The following EYA2 variants were observed in gnomAD, a reference collection of about 807,000 sequenced individuals.
EYA2 encodes EYA transcriptional coactivator and phosphatase 2.
EYA2 carries 31 observed loss-of-function variants against 69.2 expected under a neutral mutation model. The ratio of observed to expected loss-of-function variants is 0.45; its 90% confidence interval spans 0.34 to 0.60. EYA2 has a LOEUF of 0.60. Among genes scored for constraint, EYA2 ranks in the 20% least tolerant of loss-of-function variants. EYA2 has a pLI of 0.02. For synonymous variants in EYA2, 257 were observed against 279.4 expected, an observed-to-expected ratio of 0.92 and a Z score of 0.80; for missense variants, 622 against 701.2, an observed-to-expected ratio of 0.89 and a Z score of 1.28.
At chr20:47,082,750 C>T (rs918123627) in intron 7 of EYA2, among the ~76,000 whole-genome samples, 1 of 151,962 alleles carries the variant, frequency 6.6e-6, no homozygotes, top group African/African-American at 2.4e-5. Flanking sequence ...ATGCAGAGGA[C>T]CAAGAAGGGC....
rs538058416 is a variant in EYA2 at position 46,983,549 on chromosome 20, G to C, written c.-10-6452G>C. 5.3e-5 allele frequency among the ~76,000 whole-genome samples: 8 copies of C among 152,306 alleles called. No individual in the cohort carries two copies. The East Asian group carries it at 1.5e-3, about 29-fold the overall frequency. ...CCTGTAATTAGGCAACTGCAAAAAA[G>C]CTCTGCTTAATTTCTTGCCTTTATA... On this transcript the variant is annotated intron_variant, in intron 1 of 15. Coordinates refer to ENST00000327619, the MANE Select transcript of EYA2 (RefSeq NM_005244.5).
At position 46,916,058 on chromosome 20, in the gene EYA2, T is replaced by G. The variant is rs79579066; in HGVS notation, c.-11+21071T>G. 3.1e-3 allele frequency among the ~76,000 whole-genome samples: 473 copies of G among 152,302 alleles called. 3 individuals carry two copies. The highest frequency in any genetic ancestry group is 0.011 in the African/African-American group (441 of 41,564). Reference sequence around the variant, plus strand: ...ATTGCTTTGTGGCAGAGCAAAAAATTTCTATGAATTTCATATGCAAAGAGA... The same window carrying G: ...ATTGCTTTGTGGCAGAGCAAAAAATGTCTATGAATTTCATATGCAAAGAGA... On this transcript the variant is annotated intron_variant, in intron 1 of 15. Coordinates refer to ENST00000327619, the MANE Select transcript of EYA2 (RefSeq NM_005244.5).
At chr20:46,966,826 C>T (rs77002377) in intron 1 of EYA2, among the ~76,000 whole-genome samples, 11 of 150,068 alleles carry the variant, frequency 7.3e-5, no homozygotes, top group African/African-American at 1.5e-4. Flanking sequence ...AAAAAAAAAA[C>T]TGTGAAACAG....
chr20:47,163,496 C>G (rs2034114160), intron 10 of EYA2, among the ~76,000 whole-genome samples: 1 of 151,924 alleles, frequency 6.6e-6, no homozygotes, highest in Admixed American at 6.6e-5. Flanking sequence ...GTCGGGAGTT[C>G]AAGACCGGCC....
At chr20:47,002,264 C>A (rs1024787151) in intron 3 of EYA2, among the ~76,000 whole-genome samples, 2 of 151,964 alleles carry the variant, frequency 1.3e-5, no homozygotes, top group Non-Finnish European at 2.9e-5. Context: ...CATAGGTAAA[C>A]ATGTGCCATG....
chr20:47,063,352 CATA>C (rs1328791000), intron 5 of EYA2, among the ~76,000 whole-genome samples: 2 of 149,734 alleles, frequency 1.3e-5, no homozygotes, highest in East Asian at 2.0e-4. Flanking sequence ...TTTTATTTGG[CATA>C]ATGTTTTTTG....
intron 4 of EYA2, among the ~76,000 whole-genome samples, chr20:47,009,897 G>A (rs1036340891): frequency 1.3e-5 from 2 of 152,186 alleles, no homozygotes; most frequent in East Asian, 3.8e-4. Context: ...GCATCTTTTA[G>A]TACACATTCT....
chr20:47,013,383 G>T (rs1469144603), intron 4 of EYA2, among the ~76,000 whole-genome samples: 1 of 152,222 alleles, frequency 6.6e-6, no homozygotes, highest in Admixed American at 6.5e-5. Flanking sequence ...CATATGCAAA[G>T]GCTTTGAGTC....
In EYA2 at chr20:47,188,246, C is replaced by G. The variant is rs1359202173; in HGVS notation, c.*113C>G. ...TGTTGGACACCAGGAAGGGGCCCCA[C>G]AGCCGAGACGACGTGTCCAGTGACC... is the stretch of plus-strand genomic sequence containing the variant. On this transcript the variant is annotated 3_prime_UTR_variant, in exon 16 of 16. Transcript: ENST00000327619. The G allele has an allele frequency of 2.1e-6, 2 of 972,236 alleles. No homozygotes were observed. The highest frequency in any genetic ancestry group is 1.6e-6 in the Non-Finnish European group (1 of 639,144). 60.2% of individuals were successfully genotyped at this position (972,236 alleles called of 1,614,324 possible).
At position 47,113,002 on chromosome 20, in the gene EYA2, G is replaced by C. The variant is rs1449136580; in HGVS notation, c.888+15834G>C. Among the ~76,000 whole-genome samples, 3 of 151,378 alleles carry C rather than the reference G, an allele frequency of 2.0e-5. No homozygotes were observed. In the East Asian group the frequency reaches 5.8e-4, roughly 29 times the overall value. ...TCCTCCTGCCTCAGCCTCCCTAGTA[G>C]CTGGGATTATAAGCATGCACCACCA... On this transcript the variant is annotated intron_variant, in intron 9 of 15. Transcript: ENST00000327619.
chr20:47,121,945 C>T lies in EYA2; in HGVS notation c.889-21114C>T, dbSNP rs144207012. 5.5e-4 allele frequency among the ~76,000 whole-genome samples: 84 copies of T among 152,328 alleles called. 2 individuals are homozygous for T. The highest frequency in any genetic ancestry group is 4.5e-3 in the Admixed American group (69 of 15,296). On this transcript the variant is annotated intron_variant, in intron 9 of 15. Transcript: ENST00000327619. The stretch of plus-strand genomic sequence containing the variant: ...CCCAGCTCCTTCCTCGGCCAGACAT[C>T]ACACTGAGGGCATCTGCAGGCCACA...
chr20:46,947,410 G>A (rs1978528700), intron 1 of EYA2, among the ~76,000 whole-genome samples: 2 of 151,730 alleles, frequency 1.3e-5, no homozygotes, highest in East Asian at 1.9e-4. Context: ...CATACACACA[G>A]ATGTCCCCAC....
intron 1 of EYA2, among the ~76,000 whole-genome samples, chr20:46,905,193 C>CA (rs11475669): frequency 0.042 from 6,242 of 149,204 alleles, 409 homozygotes; most frequent in African/African-American, 0.14. Context: ...TTAATCCTCT[C>CA]AAAAAAAAAA....
At chr20:46,987,964 C>CTCTCTCTCTA (rs1555809797) in intron 1 of EYA2, among the ~76,000 whole-genome samples, 5 of 11,270 alleles carry the variant, frequency 4.4e-4, no homozygotes, top group Non-Finnish European at 6.7e-4. Context: ...CTCTCTCTCT[C>CTCTCTCTCTA]TATATATATA....
Position 47,171,883 on chromosome 20 carries a change from G to A in EYA2, c.1038-824G>A, listed in dbSNP as rs563885484. Reference sequence around the variant, plus strand: ...AAGGCGGGTGGATCACTTGAGGTCCGGAGTGCAAGACCAGCCTGGCCAACA... The same window carrying A: ...AAGGCGGGTGGATCACTTGAGGTCCAGAGTGCAAGACCAGCCTGGCCAACA... On this transcript the variant is annotated intron_variant, in intron 11 of 15. Transcript: ENST00000327619. Among the ~76,000 whole-genome samples the A allele has an allele frequency of 1.4e-4, 22 of 152,104 alleles. No homozygotes were observed. In the South Asian group the frequency reaches 1.5e-3, roughly 10 times the overall value.
chr20:46,968,779 C>T (rs181658804), intron 1 of EYA2, among the ~76,000 whole-genome samples: 119 of 152,142 alleles, frequency 7.8e-4, no homozygotes, highest in African/African-American at 2.8e-3. Context: ...AATCCCACCC[C>T]GCCGCGCCCC....
chr20:46,909,418 A>G (rs1984538222), intron 1 of EYA2, among the ~76,000 whole-genome samples: 1 of 152,138 alleles, frequency 6.6e-6, no homozygotes, highest in African/African-American at 2.4e-5. Flanking sequence ...TACATTGACA[A>G]TACTGAAATC....
chr20:47,023,082 C>G (rs1424505968), intron 5 of EYA2, among the ~76,000 whole-genome samples: 4 of 152,016 alleles, frequency 2.6e-5, no homozygotes, highest in African/African-American at 9.7e-5. Context: ...ACAGGTTACA[C>G]ATTTACCTAG....
At chr20:47,175,273 A>G (rs2034404362) in intron 12 of EYA2, among the ~76,000 whole-genome samples, 1 of 152,236 alleles carries the variant, frequency 6.6e-6, no homozygotes, top group Admixed American at 6.5e-5. Context: ...TTTAGAAGGT[A>G]CACTCGGAAG....
Sources: allele counts gnomAD v4.1 joint callset (sites outside exome capture counted in the v4.1 genomes callset), GRCh38; gene constraint gnomAD v4.1.1; transcripts MANE v1.5; gene names NCBI Gene and HGNC (gene_info 2026-07-23, HGNC 2026-07-21).